Variants in UNC5C observed in about 807,000 individuals in gnomAD.
UNC5C encodes the protein unc-5 netrin receptor C, also known as netrin receptor UNC5C.
A neutral mutation model predicts 99.8 loss-of-function variants in UNC5C; 47 were observed. The observed-to-expected ratio is 0.47, with a 90% CI of 0.37 to 0.60. The LOEUF (loss-of-function observed/expected upper bound fraction) is 0.60, where lower values mean the gene tolerates loss of function less well. UNC5C is among the 20% of genes least tolerant of loss of function. UNC5C has a pLI of 0.00. For synonymous variants in UNC5C, 487 were observed against 452.2 expected (o/e 1.08, Z -0.98); for missense variants, 1,062 against 1,165.9 (o/e 0.91, Z 1.30).
chr4:95,209,803 C>T (rs541475062), intron 10 of UNC5C, among the ~76,000 whole-genome samples: 1 of 152,096 alleles, frequency 6.6e-6, no homozygotes, highest in Admixed American at 6.6e-5. Flanking sequence ...TAAGGAGTGA[C>T]TTTATTATTG....
chr4:95,481,229 A>G (rs1392388097), intron 1 of UNC5C, among the ~76,000 whole-genome samples: 2,707 of 151,602 alleles, frequency 0.018, 69 homozygotes, highest in African/African-American at 0.063. Context: ...ACAAACAGAG[A>G]GCCAAATCAT....
rs563646324 is a variant in UNC5C, at chr4:95,439,792, G to A, written c.125-104161C>T. 5.3e-5 allele frequency among the ~76,000 whole-genome samples: 8 copies of A among 152,210 alleles called. No individual in the cohort carries two copies. The East Asian group carries it at 7.7e-4, about 15-fold the overall frequency. ...TAGACTGGCTAATTGGGTGGGAAACGTAAACCCATATGTCAGGGCGTGTAT... is the reference window on the plus strand; with the variant it reads ...TAGACTGGCTAATTGGGTGGGAAACATAAACCCATATGTCAGGGCGTGTAT... On this transcript the variant is annotated intron_variant, in intron 1 of 15. Coordinates refer to ENST00000453304, the MANE Select transcript of UNC5C (RefSeq NM_003728.4).
chr4:95,317,891 T>C (rs1239654610), intron 2 of UNC5C, among the ~76,000 whole-genome samples: 3 of 152,076 alleles, frequency 2.0e-5, no homozygotes, highest in Non-Finnish European at 4.4e-5. Context: ...TCATATTAAG[T>C]GATTTTTTTT....
chr4:95,409,573 A>G (rs1745922910), intron 1 of UNC5C, among the ~76,000 whole-genome samples: 1 of 152,210 alleles, frequency 6.6e-6, no homozygotes, highest in South Asian at 2.1e-4. Flanking sequence ...ATCTTTATGT[A>G]TCCTCAAATC....
At chr4:95,300,608 T>C (rs1290891268) in intron 3 of UNC5C, among the ~76,000 whole-genome samples, 1 of 152,202 alleles carries the variant, frequency 6.6e-6, no homozygotes, top group East Asian at 1.9e-4. Context: ...ATATATGCCA[T>C]TGTAAGGATT....
chr4:95,326,919 C>T (rs1579326916), intron 2 of UNC5C, among the ~76,000 whole-genome samples: 1 of 152,232 alleles, frequency 6.6e-6, no homozygotes. Context: ...TAGCTTGTCA[C>T]TAAATATCCT....
At chr4:95,216,098 C>T in intron 10 of UNC5C, 26 bp downstream of exon 10, 1 of 1,585,658 alleles carries the variant, frequency 6.3e-7, no homozygotes, top group Non-Finnish European at 8.6e-7. Flanking sequence ...TTGGTAAAGT[C>T]AGTGCACCAG....
At chr4:95,402,686 T>A (rs1745733049) in intron 1 of UNC5C, among the ~76,000 whole-genome samples, 2 of 152,192 alleles carry the variant, frequency 1.3e-5, no homozygotes, top group Non-Finnish European at 2.9e-5. Flanking sequence ...TAACACACAT[T>A]TAGCAACTAT....
chr4:95,471,001 A>T (rs1354409890), intron 1 of UNC5C, among the ~76,000 whole-genome samples: 2 of 152,106 alleles, frequency 1.3e-5, no homozygotes, highest in Non-Finnish European at 2.9e-5. Context: ...AAAGAAAAAA[A>T]AATCCAAGGA....
chr4:95,380,650 A>C lies in UNC5C; in HGVS notation c.125-45019T>G, dbSNP rs531194210. Among the ~76,000 whole-genome samples the C allele has an allele frequency of 2.4e-3, 370 of 152,116 alleles. 2 individuals carry two copies. Among genetic ancestry groups the C allele is most frequent in the African/African-American group, 8.3e-3 (343 of 41,504 alleles). On this transcript the variant is annotated intron_variant, in intron 1 of 15. Coordinates refer to ENST00000453304, the MANE Select transcript of UNC5C (RefSeq NM_003728.4). ...AGACAAAAAACAAAACAAAACAAAA[A>C]CCCTGCGAACTAAATCCCAGATTTT...
At chr4:95,481,829 C>G (rs1269891220) in intron 1 of UNC5C, among the ~76,000 whole-genome samples, 1 of 151,976 alleles carries the variant, frequency 6.6e-6, no homozygotes, top group Non-Finnish European at 1.5e-5. Flanking sequence ...AAAGTGGATC[C>G]CTTCCTTACA....
chr4:95,286,855 A>G (rs2865428), intron 3 of UNC5C, among the ~76,000 whole-genome samples: 100,071 of 151,564 alleles, frequency 0.66, 34,052 homozygotes, highest in African/African-American at 0.84. Context: ...AGTTGGTAAT[A>G]TGGAGTTTTA....
chr4:95,208,365 A>G (rs1031456658), intron 10 of UNC5C, among the ~76,000 whole-genome samples: 3 of 152,224 alleles, frequency 2.0e-5, no homozygotes, highest in Non-Finnish European at 4.4e-5. Context: ...CACTCTAAGT[A>G]TTCCCAACAT....
At chr4:95,238,382 T>C (rs1739204270) in intron 7 of UNC5C, among the ~76,000 whole-genome samples, 1 of 152,164 alleles carries the variant, frequency 6.6e-6, no homozygotes, top group Admixed American at 6.5e-5. Context: ...GCTATAACAG[T>C]GGAATCAAGG....
At chr4:95,270,320 T>C (rs889672343) in intron 4 of UNC5C, among the ~76,000 whole-genome samples, 6 of 152,234 alleles carry the variant, frequency 3.9e-5, no homozygotes, top group Admixed American at 2.6e-4. Flanking sequence ...CTGTGAAATA[T>C]ACTTTGCACC....
intron 5 of UNC5C, 26 bp downstream of exon 5, chr4:95,250,461 G>A: frequency 6.2e-7 from 1 of 1,607,402 alleles, no homozygotes; most frequent in Non-Finnish European, 8.5e-7. Flanking sequence ...ACATGAACTA[G>A]ATTGAGACCC....
intron 1 of UNC5C, among the ~76,000 whole-genome samples, chr4:95,483,930 C>T (rs746793997): frequency 2.6e-4 from 39 of 151,788 alleles, no homozygotes; most frequent in Non-Finnish European, 7.4e-5. Context: ...TAGGGCATTT[C>T]ATTCATTCAT....
At chr4:95,188,777 A>T (rs1218073065) in intron 12 of UNC5C, among the ~76,000 whole-genome samples, 1 of 152,208 alleles carries the variant, frequency 6.6e-6, no homozygotes, top group Non-Finnish European at 1.5e-5. Context: ...CATTCATTCA[A>T]CATCAGTGAG....
At chr4:95,502,967 TCTTTTAA>T (rs1310514281) in intron 1 of UNC5C, among the ~76,000 whole-genome samples, 1 of 152,194 alleles carries the variant, frequency 6.6e-6, no homozygotes, top group Non-Finnish European at 1.5e-5. Flanking sequence ...CAAAATTTAC[TCTTTTAA>T]CTTTTATTTA....
Sources: allele counts gnomAD v4.1 joint callset (sites outside exome capture counted in the v4.1 genomes callset), GRCh38; gene constraint gnomAD v4.1.1; transcripts MANE v1.5; gene names NCBI Gene and HGNC (gene_info 2026-07-23, HGNC 2026-07-21).